The following CDYL variants were observed in gnomAD, a reference collection of about 807,000 sequenced individuals.
CDYL encodes chromodomain Y like, also known as chromodomain Y-like protein.
In CDYL, 8 loss-of-function variants were observed where a neutral mutation model predicts 47.3. That is an observed-to-expected ratio of 0.17 (90% CI 0.10 to 0.31). CDYL has a LOEUF of 0.31. Among genes scored for constraint, CDYL ranks in the 10% least tolerant of loss-of-function variants. The pLI is 1.00. For synonymous variants in CDYL, 266 were observed against 265.0 expected (o/e 1.00, Z -0.04); for missense variants, 471 against 701.4 (o/e 0.67, Z 3.71).
chr6:4,896,042 C>T (rs1328027511), intron 2 of CDYL, among the ~76,000 whole-genome samples: 3 of 152,226 alleles, frequency 2.0e-5, no homozygotes, highest in African/African-American at 7.2e-5. Context: ...CCCTCTCTCA[C>T]TTCTGCCTGG....
chr6:4,896,306 C>T (rs993550508), intron 2 of CDYL, among the ~76,000 whole-genome samples: 4 of 152,202 alleles, frequency 2.6e-5, no homozygotes, highest in African/African-American at 9.7e-5. Context: ...TGCCCTGGTA[C>T]CTGTGCAGAG....
At chr6:4,799,094 T>C (rs1250083990) in intron 1 of CDYL, among the ~76,000 whole-genome samples, 6 of 152,258 alleles carry the variant, frequency 3.9e-5, no homozygotes, top group Non-Finnish European at 8.8e-5. Context: ...TCTGCTTCAG[T>C]CTATCAAAAT....
At chr6:4,732,431 A>G (rs145271551) in intron 2 of CDYL, among the ~76,000 whole-genome samples, 10 of 152,176 alleles carry the variant, frequency 6.6e-5, no homozygotes, top group Non-Finnish European at 1.3e-4. Context: ...AGGCTGGAGG[A>G]TCACTTGAGG....
At chr6:4,753,979 C>T (rs1758036927) in intron 3 of CDYL, among the ~76,000 whole-genome samples, 1 of 152,038 alleles carries the variant, frequency 6.6e-6, no homozygotes, top group African/African-American at 2.4e-5. Flanking sequence ...TAGTTGCCTA[C>T]CTTTTGTAAA....
At chr6:4,730,996 G>A (rs997757050) in intron 2 of CDYL, among the ~76,000 whole-genome samples, 2 of 152,200 alleles carry the variant, frequency 1.3e-5, no homozygotes, top group African/African-American at 2.4e-5. Context: ...GTCCACTGTT[G>A]TTTGCTGCTT....
chr6:4,900,779 G>GTGTATGTATATATATATATATATATA, intron 2 of CDYL, among the ~76,000 whole-genome samples: 3 of 51,706 alleles, frequency 5.8e-5, no homozygotes, highest in African/African-American at 1.9e-4. Context: ...GTATACGTGT[G>GTGTATGTATATATATATATATATATA]TATATATATA....
chr6:4,817,132 T>C (rs1561651624), intron 1 of CDYL, among the ~76,000 whole-genome samples: 1 of 152,250 alleles, frequency 6.6e-6, no homozygotes, highest in Non-Finnish European at 1.5e-5. Context: ...TTGTATTTTT[T>C]TGGTGGTATC....
chr6:4,873,340 A>G (rs1393017735), intron 1 of CDYL, among the ~76,000 whole-genome samples: 3 of 152,216 alleles, frequency 2.0e-5, no homozygotes. Context: ...TAGATATGAT[A>G]ATGACTACTA....
chr6:4,867,319 T>G (rs1297677132), intron 1 of CDYL, among the ~76,000 whole-genome samples: 1 of 152,156 alleles, frequency 6.6e-6, no homozygotes, highest in African/African-American at 2.4e-5. Context: ...TTTACTTCTT[T>G]CCAATCAATG....
Position 4,749,307 on chromosome 6 carries a change from A to ATAGATG in CDYL, c.186+14463_186+14464insTAGATG, listed in dbSNP as rs1554133644. 4.5e-3 allele frequency among the ~76,000 whole-genome samples: 660 copies of ATAGATG among 146,616 alleles called. 4 individuals are homozygous for ATAGATG. The highest frequency in any genetic ancestry group is 0.011 in the Middle Eastern group (3 of 284). ...TGGATGGATGGATGGATGGATGGAT[A>ATAGATG]GATGGATGGATGGATGGATGGATGG... On this transcript the variant is annotated intron_variant, in intron 3 of 8. Transcript: ENST00000328908.
chr6:4,758,368 A>ATC (rs1554134111), intron 3 of CDYL, among the ~76,000 whole-genome samples: 2 of 144,502 alleles, frequency 1.4e-5, no homozygotes, highest in Non-Finnish European at 3.0e-5. Context: ...ATATATATAT[A>ATC]TATCTCTTTG....
chr6:4,713,266 C>T (rs7753721), intron 1 of CDYL, among the ~76,000 whole-genome samples: 32,787 of 152,080 alleles, frequency 0.22, 4,254 homozygotes, highest in East Asian at 0.33. Context: ...CTGCTCTACC[C>T]GGCATCTCCT....
At chr6:4,938,498 G>A (rs1180448452) in intron 4 of CDYL, among the ~76,000 whole-genome samples, 4 of 152,080 alleles carry the variant, frequency 2.6e-5, no homozygotes, top group African/African-American at 9.7e-5. Flanking sequence ...TGTACAACAT[G>A]GTGTATTGAA....
intron 5 of CDYL, among the ~76,000 whole-genome samples, chr6:4,944,242 T>C (rs1032243846): frequency 1.3e-5 from 2 of 152,254 alleles, no homozygotes. Context: ...TCTCATTCTC[T>C]AGTCCTTGAA....
intron 1 of CDYL, among the ~76,000 whole-genome samples, chr6:4,802,096 A>G (rs866110301): frequency 6.6e-6 from 1 of 152,028 alleles, no homozygotes; most frequent in Non-Finnish European, 1.5e-5. Context: ...GTTTGCCCCC[A>G]TGTTTTGCAG....
chr6:4,742,647 C>T (rs1279153858), intron 3 of CDYL, among the ~76,000 whole-genome samples: 1 of 152,160 alleles, frequency 6.6e-6, no homozygotes, highest in Non-Finnish European at 1.5e-5. Context: ...TGATCAAATC[C>T]TGCTGGATAG....
At chr6:4,775,565 C>G (rs915964915), upstream of CDYL, among the ~76,000 whole-genome samples, 135 of 152,170 alleles carry the variant, frequency 8.9e-4, no homozygotes, top group African/African-American at 2.7e-3. The surrounding 1 kb of genome is among the most constrained non-coding windows in gnomAD (Gnocchi z 7.0). Flanking sequence ...GCGGACGCTC[C>G]GAGAGGAACC....
chr6:4,839,109 T>C (rs750696394), intron 1 of CDYL, among the ~76,000 whole-genome samples: 1 of 152,250 alleles, frequency 6.6e-6, no homozygotes, highest in Non-Finnish European at 1.5e-5. Flanking sequence ...TTTTCGATTA[T>C]GACCATCTTG....
intron 2 of CDYL, chr6:4,724,658 C>G (rs1022938225): frequency 2.0e-5 from 3 of 152,278 alleles, no homozygotes; most frequent in Non-Finnish European, 4.4e-5. Flanking sequence ...AAGCTGCAGA[C>G]CTTCGCAGTG....
Sources: allele counts gnomAD v4.1 joint callset (sites outside exome capture counted in the v4.1 genomes callset), GRCh38; gene constraint gnomAD v4.1.1; non-coding constraint Gnocchi (gnomAD v3.1); transcripts MANE v1.5; gene names NCBI Gene and HGNC (gene_info 2026-07-23, HGNC 2026-07-21).